Variants in NEB observed in about 807,000 individuals in gnomAD.
The protein encoded by NEB is nebulin, also known as nemaline myopathy type 2.
NEB carries 512 observed loss-of-function variants against 952.2 expected under a neutral mutation model. The observed-to-expected ratio is 0.54, with a 90% confidence interval of 0.50 to 0.58. The LOEUF (loss-of-function observed/expected upper bound fraction) is 0.58. Among genes scored for constraint, NEB ranks in the 20% least tolerant of loss-of-function variants. The pLI is 0.00. For missense variants in NEB, 8,428 were observed against 9,231.1 expected (o/e 0.91, Z 3.56); for synonymous variants, 2,900 against 3,149.8 (o/e 0.92, Z 2.66).
At chr2:151,518,466 C>T in intron 155 of NEB, 44 bp from the exon 156 acceptor site, 1 of 1,175,286 alleles carries the variant, frequency 8.5e-7, no homozygotes, top group Non-Finnish European at 1.3e-6. Flanking sequence ...GGAGAAGCTG[C>T]TCAGCATTCC....
At chr2:151,726,867 A>C (rs150995303) in intron 5 of NEB, among the ~76,000 whole-genome samples, 42 of 151,752 alleles carry the variant, frequency 2.8e-4, no homozygotes, top group African/African-American at 1.0e-3. Flanking sequence ...CTCTATGAAA[A>C]AATAATTAGG....
intron 54 of NEB, among the ~76,000 whole-genome samples, chr2:151,649,814 A>T (rs889396244): frequency 6.6e-6 from 1 of 152,148 alleles, no homozygotes; most frequent in Non-Finnish European, 1.5e-5. Flanking sequence ...TTTATAACAC[A>T]TCCATTGTGC....
Position 151,717,452 on chromosome 2 carries a change from TA to T in NEB, c.785del (p.Ile262LysfsTer7). ...QFTPLADPPDIEFAKKVTNQV... is the reference protein window; with the variant it reads ...QFTPLADPPDXEFAKKVTNQV... ...GATTGGTTACTTTCTTGGCAAATTCTATATCTGGAGGATCAGCCAGAGGCGT... is the reference window on the plus strand; with the variant it reads ...GATTGGTTACTTTCTTGGCAAATTCTTATCTGGAGGATCAGCCAGAGGCGT... On this transcript the variant is annotated frameshift_variant, in exon 10 of 182. Coordinates refer to ENST00000397345, the MANE Select transcript of NEB (RefSeq NM_001164508.2). LOFTEE classifies it high-confidence loss of function. The T allele has an allele frequency of 6.2e-7, 1 of 1,613,978 alleles. No homozygotes were observed. The highest frequency in any genetic ancestry group is 8.5e-7 in the Non-Finnish European group (1 of 1,179,818).
intron 135 of NEB, 78 bp downstream of exon 135, chr2:151,545,810 G>T: frequency 1.2e-6 from 1 of 836,450 alleles, no homozygotes; most frequent in Non-Finnish European, 1.9e-6. Context: ...ATCACTAGAG[G>T]AACTAAGAGC....
intron 36 of NEB, among the ~76,000 whole-genome samples, chr2:151,673,878 T>C (rs778196007): frequency 3.2e-4 from 48 of 151,844 alleles, no homozygotes; most frequent in Non-Finnish European, 5.9e-4. Context: ...GGACTACAGG[T>C]GCCCGCCACC....
chr2:151,526,301 T>C (rs765111059), intron 148 of NEB, 39 bp from the exon 149 acceptor site: 7 of 1,338,232 alleles, frequency 5.2e-6, no homozygotes, highest in Non-Finnish European at 7.4e-6. Context: ...TTAGCTCTGC[T>C]GGATATCCTA....
At chr2:151,723,304 T>A in intron 9 of NEB, 78 bp downstream of exon 9, 1 of 927,982 alleles carries the variant, frequency 1.1e-6, no homozygotes, top group Non-Finnish European at 1.6e-6. Flanking sequence ...AGAGTTGCAG[T>A]GACCATCTGG....
intron 165 of NEB, among the ~76,000 whole-genome samples, chr2:151,503,843 T>C (rs553396871): frequency 6.6e-6 from 1 of 152,310 alleles, no homozygotes; most frequent in African/African-American, 2.4e-5. Flanking sequence ...ACTCTATTCC[T>C]TCAGGCTTAT....
chr2:151,503,430 T>C lies in NEB; in HGVS notation c.23754A>G (p.Lys7918=), dbSNP rs750445824. 5 of 1,607,666 alleles carry C rather than the reference T, an allele frequency of 3.1e-6. No individual in the cohort carries two copies. In the Admixed American group the frequency reaches 8.3e-5, roughly 27 times the overall value. The part of the protein sequence containing the change: ...TQKHISSVMY[K]ENLGTGIPTT... ...TTGGAATGCCTGTTCCCAAGTTTTC[T>C]TTGTACATAACCTGTAGAAAATAAT... is the stretch of plus-strand genomic sequence containing the variant. Residue 7918 remains lysine (K), a synonymous_variant, in exon 166 of 182, where the codon AAA becomes AAG. Transcript: ENST00000397345.
chr2:151,490,376 TGA>T lies in NEB; in HGVS notation c.25291_25292del (p.Ser8431AsnfsTer45). The T allele has an allele frequency of 6.3e-7, 1 of 1,588,764 alleles. No homozygotes were observed. ...TYSDGGVFAV[S>X]TAYKHAKTTE... ...ATCAGCGCCAGGCACTTGTACCTGTTGAGACTGCAAAGACACCCCCGTCGCTG... is the reference window on the plus strand; with the variant it reads ...ATCAGCGCCAGGCACTTGTACCTGTTGACTGCAAAGACACCCCCGTCGCTG... On this transcript the variant is annotated frameshift_variant, in exon 180 of 182. Transcript: ENST00000397345. LOFTEE classifies it high-confidence loss of function.
rs528116521 is a variant in NEB, at chr2:151,581,691, GA to G, written c.16180-105del. On this transcript the variant is annotated intron_variant, in intron 102 of 181. Coordinates refer to ENST00000397345, the MANE Select transcript of NEB (RefSeq NM_001164508.2). ...AAACATACTTGAATAAATGGATGAT[GA>G]AAAAAATTTTAAGTGAATTTTATAA... 1.0e-4 allele frequency: 141 copies of G among 1,346,906 alleles called. No individual in the cohort carries two copies. The Middle Eastern group carries it at 1.1e-3, about 10-fold the overall frequency. 83.4% of individuals were successfully genotyped at this position (1,346,906 alleles called of 1,614,324 possible).
At chr2:151,723,047 C>T in intron 9 of NEB, among the ~76,000 whole-genome samples, 1 of 152,138 alleles carries the variant, frequency 6.6e-6, no homozygotes. Flanking sequence ...CAACTTCAAC[C>T]AGAGCCAAGG....
At position 151,538,178 on chromosome 2, in the gene NEB, T is replaced by C. The variant is rs1559681061; in HGVS notation, c.20959A>G (p.Ile6987Val). ...TCTGTGACTTTGCGATGATAGACAA[T>C]GTCTAGGGCATCTTTCACCGTGTGG... ...KYHTVKDALD[I>V]VYHRKVTDDI... Residue 6987 changes from isoleucine to valine, a missense_variant, in exon 139 of 182, where the codon ATT becomes GTT. Transcript: ENST00000397345. The C allele has an allele frequency of 6.2e-7, 1 of 1,613,026 alleles. No individual in the cohort carries two copies. The highest frequency in any genetic ancestry group is 8.5e-7 in the Non-Finnish European group (1 of 1,179,092).
chr2:151,617,413 T>A lies in NEB; in HGVS notation c.11132A>T (p.Asp3711Val), dbSNP rs746519954. Residue 3711 changes from aspartate to valine, a missense_variant, in exon 75 of 182, where the codon GAT (aspartate) becomes GTT (valine). Physicochemically the swap from Asp to Val is radical, Grantham distance 152. Around this residue, in one of 11 missense-constraint regions of NEB, gnomAD observed 1,772 missense variants for 1,960.3 expected, o/e 0.90. Coordinates refer to ENST00000397345, the MANE Select transcript of NEB (RefSeq NM_001164508.2). The stretch of plus-strand genomic sequence containing the variant: ...TTTGGCTAACATGATTTCTGGTGTA[T>A]CAGGCATGACATGAATAGTTTTCTT... The part of the protein sequence containing the change: ...NDKKTIHVMP[D>V]TPEIMLAKLN... 1.9e-6 allele frequency: 3 copies of A among 1,569,446 alleles called. No homozygotes were observed. The highest frequency in any genetic ancestry group is 2.3e-5 in the South Asian group (2 of 85,948).
At position 151,680,739 on chromosome 2, in the gene NEB, C is replaced by G. The variant is rs2099408413; in HGVS notation, c.3033G>C (p.Gln1011His). 2 of 1,598,906 alleles carry G rather than the reference C, an allele frequency of 1.3e-6. No individual in the cohort carries two copies. The highest frequency in any genetic ancestry group is 1.7e-6 in the Non-Finnish European group (2 of 1,166,766). ...TAGCATTAACACTTACATCACTCCT[C>G]TGGGCCTGGTTAATTTTAGACTGTA... ...ITVQSKINQA[Q>H]RSDIAYKAKG... is the part of the protein sequence containing the mutation. The change falls in exon 30 of 182, where the codon CAG (glutamine) becomes CAC (histidine). Residue 1011 changes from glutamine to histidine, a missense_variant. Gln to His is a conservative substitution (Grantham distance 24, BLOSUM62 0). Around this residue, in one of 11 missense-constraint regions of NEB, gnomAD observed 2,851 missense variants for 2,791.5 expected, o/e 1.02. Coordinates refer to ENST00000397345, the MANE Select transcript of NEB (RefSeq NM_001164508.2).
intron 174 of NEB, 142 bp downstream of exon 174, chr2:151,494,019 G>A: frequency 1.1e-6 from 1 of 884,040 alleles, no homozygotes; most frequent in South Asian, 1.6e-5. Flanking sequence ...AATGGCTACA[G>A]TAAATGTAGT....
intron 143 of NEB, 38 bp from the exon 144 acceptor site, chr2:151,531,934 G>A: frequency 2.2e-6 from 3 of 1,358,788 alleles, no homozygotes; most frequent in South Asian, 1.2e-5. Flanking sequence ...CTAAGAAGTT[G>A]TAGAGTGGGC....
At chr2:151,680,884 C>T (rs1253156732) in intron 29 of NEB, 56 bp from the exon 30 acceptor site, 78 of 1,303,862 alleles carry the variant, frequency 6.0e-5, no homozygotes, top group Admixed American at 1.9e-4. Flanking sequence ...AAGATTAATA[C>T]GTCAAAATCC....
chr2:151,662,478 A>G (rs2099159665), intron 45 of NEB, 137 bp from the exon 46 acceptor site: 1 of 685,656 alleles, frequency 1.5e-6, no homozygotes, highest in Non-Finnish European at 2.2e-6. Flanking sequence ...TTGCTTGAAT[A>G]TTGGTATTTA....
Sources: allele counts gnomAD v4.1 joint callset (sites outside exome capture counted in the v4.1 genomes callset), GRCh38; gene constraint gnomAD v4.1.1; regional missense constraint gnomAD v4.1.1; transcripts MANE v1.5; gene names NCBI Gene and HGNC (gene_info 2026-07-23, HGNC 2026-07-21).